MIPOL1: variants seen among roughly 807,000 people sequenced by gnomAD.
MIPOL1 encodes the protein mirror-image polydactyly gene 1 protein.
Under a neutral mutation model 60.9 loss-of-function variants are expected in MIPOL1, and 57 were observed. That is an observed-to-expected ratio of 0.94 (90% CI 0.76 to 1.17). The LOEUF is 1.17. Among genes scored for constraint, MIPOL1 ranks in the 50% most tolerant of loss-of-function variants. The pLI is 0.00. For synonymous variants in MIPOL1, 179 were observed against 168.8 expected, an observed-to-expected ratio of 1.06 and a Z score of -0.47; for missense variants, 551 against 511.6, an observed-to-expected ratio of 1.08 and a Z score of -0.74.
intron 12 of MIPOL1, among the ~76,000 whole-genome samples, chr14:37,521,895 T>A (rs200107009): frequency 0.028 from 2,423 of 85,132 alleles, 52 homozygotes; most frequent in African/African-American, 0.11. Flanking sequence ...GAAAAAAAAA[T>A]ATATATATAT....
chr14:37,403,926 G>A (rs1447404389), intron 10 of MIPOL1, among the ~76,000 whole-genome samples: 2 of 152,138 alleles, frequency 1.3e-5, no homozygotes, highest in South Asian at 2.1e-4. Context: ...TTAGTGAATA[G>A]ATATGGTTGT....
intron 12 of MIPOL1, among the ~76,000 whole-genome samples, chr14:37,532,084 A>G (rs2095483232): frequency 1.3e-5 from 2 of 152,236 alleles, no homozygotes; most frequent in African/African-American, 4.8e-5. Context: ...CATAATCATT[A>G]TAAATAAATG....
chr14:37,391,029 T>A (rs1595551883), intron 10 of MIPOL1, among the ~76,000 whole-genome samples: 6 of 151,970 alleles, frequency 3.9e-5, no homozygotes, highest in Admixed American at 3.9e-4. Flanking sequence ...AAAGGCAGAC[T>A]GAGGAAAAAA....
intron 7 of MIPOL1, among the ~76,000 whole-genome samples, chr14:37,295,639 G>T (rs1162657449): frequency 2.0e-5 from 3 of 152,088 alleles, no homozygotes; most frequent in Admixed American, 6.6e-5. Context: ...ACAAAAAAAG[G>T]CAGGGGTTGC....
At chr14:37,326,148 A>G (rs1026490070) in intron 9 of MIPOL1, among the ~76,000 whole-genome samples, 3 of 152,186 alleles carry the variant, frequency 2.0e-5, no homozygotes, top group African/African-American at 4.8e-5. Flanking sequence ...TACAGAGTAC[A>G]TATGTTACTT....
chr14:37,307,700 A>G (rs1441868722), intron 7 of MIPOL1, among the ~76,000 whole-genome samples: 1 of 152,044 alleles, frequency 6.6e-6, no homozygotes, highest in East Asian at 1.9e-4. Context: ...AAAAAAAGAG[A>G]GGAAATACAG....
chr14:37,379,247 C>T (rs1239846049), intron 10 of MIPOL1, among the ~76,000 whole-genome samples: 1 of 152,202 alleles, frequency 6.6e-6, no homozygotes, highest in Middle Eastern at 3.4e-3. Context: ...CTCAAGACAA[C>T]TGGCTATTCA....
intron 6 of MIPOL1, among the ~76,000 whole-genome samples, chr14:37,280,225 T>C (rs1466646641): frequency 6.6e-6 from 1 of 152,210 alleles, no homozygotes; most frequent in Non-Finnish European, 1.5e-5. Context: ...ATCTATTGTT[T>C]GGCACTTCAG....
chr14:37,468,971 G>C (rs2094639270), intron 11 of MIPOL1, among the ~76,000 whole-genome samples: 1 of 152,128 alleles, frequency 6.6e-6, no homozygotes, highest in South Asian at 2.1e-4. Flanking sequence ...GAAAAGCTTT[G>C]TAAATGAGGT....
intron 9 of MIPOL1, among the ~76,000 whole-genome samples, chr14:37,358,745 A>AG (rs1185559105): frequency 5.9e-5 from 9 of 152,154 alleles, no homozygotes; most frequent in African/African-American, 2.2e-4. Flanking sequence ...CCTTTGTCAC[A>AG]TAGGTAGATT....
intron 11 of MIPOL1, among the ~76,000 whole-genome samples, chr14:37,466,477 G>T (rs571980930): frequency 6.6e-6 from 1 of 152,218 alleles, no homozygotes; most frequent in Admixed American, 6.5e-5. Flanking sequence ...TTGATAACTA[G>T]CAAAACACCT....
At chr14:37,378,596 T>C (rs2092839545) in intron 10 of MIPOL1, among the ~76,000 whole-genome samples, 1 of 150,556 alleles carries the variant, frequency 6.6e-6, no homozygotes, top group East Asian at 2.0e-4. Context: ...TGTGGTGATA[T>C]TAAAATGTCA....
At chr14:37,331,114 C>T (rs2089645631) in intron 9 of MIPOL1, among the ~76,000 whole-genome samples, 1 of 151,738 alleles carries the variant, frequency 6.6e-6, no homozygotes, top group Non-Finnish European at 1.5e-5. Context: ...TGCCAGTTAC[C>T]ATGCTGTTTT....
intron 11 of MIPOL1, among the ~76,000 whole-genome samples, chr14:37,461,355 G>A (rs556997446): frequency 6.6e-6 from 1 of 152,218 alleles, no homozygotes; most frequent in East Asian, 1.9e-4. Flanking sequence ...AAAACCATCA[G>A]ATCACATGAG....
At chr14:37,509,034 C>A (rs1286252405) in intron 12 of MIPOL1, among the ~76,000 whole-genome samples, 1 of 152,006 alleles carries the variant, frequency 6.6e-6, no homozygotes, top group African/African-American at 2.4e-5. Flanking sequence ...ATTACATCTC[C>A]CAGCTATCCG....
intron 7 of MIPOL1, among the ~76,000 whole-genome samples, chr14:37,290,256 G>C (rs1233829428): frequency 6.6e-6 from 1 of 152,058 alleles, no homozygotes; most frequent in East Asian, 1.9e-4. Context: ...GACAGAGTCT[G>C]GCTCTGTCGC....
intron 1 of MIPOL1, among the ~76,000 whole-genome samples, chr14:37,228,325 C>CTTTTTTTTTTTTT (rs397961053): frequency 1.9e-5 from 2 of 105,178 alleles, no homozygotes; most frequent in Admixed American, 1.0e-4. Context: ...TCTTTCTTTT[C>CTTTTTTTTTTTTT]TTTTTTTTTT....
chr14:37,268,243 C>T (rs2083026925), intron 4 of MIPOL1, among the ~76,000 whole-genome samples: 7 of 152,070 alleles, frequency 4.6e-5, no homozygotes, highest in Admixed American at 4.6e-4. Flanking sequence ...TTGATATGTT[C>T]CCATCCCTTT....
At chr14:37,425,886 C>T (rs2093952402) in intron 11 of MIPOL1, among the ~76,000 whole-genome samples, 1 of 152,028 alleles carries the variant, frequency 6.6e-6, no homozygotes, top group Non-Finnish European at 1.5e-5. Context: ...GTAGTTTAGT[C>T]AACAGAGTAT....
Sources: gnomAD v4.1 joint callset for allele counts (sites outside exome capture counted in the v4.1 genomes callset) on GRCh38, gnomAD v4.1.1 for gene constraint, MANE v1.5 for transcripts, NCBI Gene and HGNC (gene_info 2026-07-23, HGNC 2026-07-21) for gene names.